SCMH1: variants seen among roughly 807,000 people sequenced by gnomAD.
The protein encoded by SCMH1 is polycomb protein SCMH1.
In SCMH1, 37 loss-of-function variants were observed where a neutral mutation model predicts 70.8. That is an observed-to-expected ratio of 0.52 (90% CI 0.40 to 0.69). SCMH1 has a LOEUF of 0.69. SCMH1 is among the 30% of genes least tolerant of loss of function. SCMH1 has a pLI of 0.00. For missense variants in SCMH1, 607 were observed against 827.3 expected, an observed-to-expected ratio of 0.73 and a Z score of 3.27; for synonymous variants, 292 against 307.4, an observed-to-expected ratio of 0.95 and a Z score of 0.52.
At chr1:41,120,809 T>A (rs1275269978) in intron 6 of SCMH1, among the ~76,000 whole-genome samples, 1 of 152,190 alleles carries the variant, frequency 6.6e-6, no homozygotes, top group East Asian at 1.9e-4. Flanking sequence ...CACAAGCCAA[T>A]CTTACACTGT....
intron 2 of SCMH1, among the ~76,000 whole-genome samples, chr1:41,168,873 T>C (rs1557722407): frequency 6.6e-6 from 1 of 152,140 alleles, no homozygotes; most frequent in Non-Finnish European, 1.5e-5. Context: ...ATTCCATCAA[T>C]ACCCCCACAA....
At chr1:41,223,195 T>C (rs1476978405) in intron 1 of SCMH1, among the ~76,000 whole-genome samples, 1 of 152,194 alleles carries the variant, frequency 6.6e-6, no homozygotes, top group African/African-American at 2.4e-5. Context: ...TAGAGATGTG[T>C]TACTTGGTCT....
intron 4 of SCMH1, among the ~76,000 whole-genome samples, chr1:41,157,459 T>C (rs917834030): frequency 8.5e-5 from 13 of 152,326 alleles, no homozygotes; most frequent in Middle Eastern, 3.4e-3. Context: ...TTTTACTTAA[T>C]AGAAATAAAG....
intron 2 of SCMH1, among the ~76,000 whole-genome samples, chr1:41,177,117 C>A (rs1350374970): frequency 2.0e-5 from 3 of 152,194 alleles, no homozygotes; most frequent in African/African-American, 7.2e-5. Context: ...GCTGCTGATA[C>A]CCAGGCAAAC....
At chr1:41,196,767 A>G (rs1486182520) in intron 1 of SCMH1, among the ~76,000 whole-genome samples, 1 of 152,208 alleles carries the variant, frequency 6.6e-6, no homozygotes, top group East Asian at 1.9e-4. Flanking sequence ...AAGACAGTCC[A>G]CAGAATCGGA....
At chr1:41,185,442 C>T (rs951650561) in intron 2 of SCMH1, among the ~76,000 whole-genome samples, 6 of 152,088 alleles carry the variant, frequency 3.9e-5, no homozygotes, top group African/African-American at 1.2e-4. Flanking sequence ...CCACTTTAGC[C>T]TCCCCAAATG....
At chr1:41,034,039 T>C in intron 13 of SCMH1, 2 of 1,610,696 alleles carry the variant, frequency 1.2e-6, no homozygotes, top group Non-Finnish European at 1.7e-6. Flanking sequence ...ATTTGATCCT[T>C]TTAACACTCC....
intron 6 of SCMH1, among the ~76,000 whole-genome samples, chr1:41,119,246 A>G (rs1287870198): frequency 6.6e-6 from 1 of 152,180 alleles, no homozygotes; most frequent in African/African-American, 2.4e-5. Context: ...ATGCAAATAA[A>G]AAAAGAGTTA....
intron 1 of SCMH1, among the ~76,000 whole-genome samples, chr1:41,215,562 T>C (rs1657907093): frequency 2.0e-5 from 3 of 152,160 alleles, no homozygotes; most frequent in African/African-American, 7.2e-5. Flanking sequence ...CCTCCTCTTA[T>C]CTGCAATGAG....
chr1:41,048,695 A>C, exon 11 of SCMH1: 1 of 1,613,948 alleles, frequency 6.2e-7, no homozygotes, highest in Non-Finnish European at 8.5e-7. Context: ...CTTACCTGAG[A>C]TAACCTCACC....
At chr1:41,064,072 A>G (rs1462032613) in intron 10 of SCMH1, among the ~76,000 whole-genome samples, 1 of 152,256 alleles carries the variant, frequency 6.6e-6, no homozygotes, top group Non-Finnish European at 1.5e-5. Context: ...TATCCAAAGT[A>G]TGCAAGGCTG....
chr1:41,064,887 C>T (rs1654044280), intron 10 of SCMH1, among the ~76,000 whole-genome samples: 1 of 152,040 alleles, frequency 6.6e-6, no homozygotes, highest in South Asian at 2.1e-4. Context: ...TGCACTCCAG[C>T]CTGGGCAACA....
chr1:41,233,709 A>T (rs1487524807), intron 1 of SCMH1, among the ~76,000 whole-genome samples: 1 of 152,134 alleles, frequency 6.6e-6, no homozygotes, highest in Non-Finnish European at 1.5e-5. Flanking sequence ...TCTTTTTAGG[A>T]TTCCCATTTC....
intron 1 of SCMH1, among the ~76,000 whole-genome samples, chr1:41,219,613 T>C (rs1658808589): frequency 1.3e-5 from 2 of 152,210 alleles, no homozygotes; most frequent in African/African-American, 2.4e-5. Context: ...GTATACTCAA[T>C]AGTAACCAGT....
In SCMH1 at chr1:41,029,601, C is replaced by T. The variant is rs575532803; in HGVS notation, c.1679-875G>A. ...GACTCAGATATAACGCCTCCTGTTT[C>T]CCCTGTGGGATTTGGGATCTCTGTA... On this transcript the variant is annotated intron_variant, in intron 13 of 14. Coordinates refer to ENST00000337495, the Ensembl canonical transcript of SCMH1. Among the ~76,000 whole-genome samples, 3 of 152,318 alleles carry T rather than the reference C, an allele frequency of 2.0e-5. No individual in the cohort carries two copies. In the East Asian group the frequency reaches 5.8e-4, roughly 29 times the overall value.
intron 8 of SCMH1, among the ~76,000 whole-genome samples, chr1:41,107,618 C>T (rs1274499302): frequency 6.6e-6 from 1 of 152,088 alleles, no homozygotes; most frequent in Admixed American, 6.5e-5. Flanking sequence ...CTCCTGGGTT[C>T]AAGCGATTCT....
chr1:41,222,723 T>C (rs1659542124), intron 1 of SCMH1, among the ~76,000 whole-genome samples: 1 of 152,188 alleles, frequency 6.6e-6, no homozygotes, highest in African/African-American at 2.4e-5. Context: ...TTTTCATTTC[T>C]GGAAAGGGGT....
chr1:41,077,958 G>GAAAC (rs778206618), intron 8 of SCMH1, among the ~76,000 whole-genome samples: 5 of 151,966 alleles, frequency 3.3e-5, no homozygotes, highest in Non-Finnish European at 5.9e-5. Context: ...TCCAAATAAT[G>GAAAC]GAACAAACAA....
intron 1 of SCMH1, among the ~76,000 whole-genome samples, chr1:41,201,075 A>T (rs947082809): frequency 3.3e-5 from 5 of 152,250 alleles, no homozygotes; most frequent in Non-Finnish European, 7.3e-5. Context: ...CCTTGGACAA[A>T]GAGCCCTGAC....
Sources: gnomAD v4.1 joint callset for allele counts (sites outside exome capture counted in the v4.1 genomes callset) on GRCh38, gnomAD v4.1.1 for gene constraint, MANE v1.5 for transcripts, NCBI Gene and HGNC (gene_info 2026-07-23, HGNC 2026-07-21) for gene names.